Variants in RSPH14 observed in about 807,000 individuals in gnomAD.
RSPH14 encodes the protein radial spoke head 14 homolog.
A neutral mutation model predicts 26.7 loss-of-function variants in RSPH14; 20 were observed. The ratio of observed to expected loss-of-function variants is 0.75; its 90% CI spans 0.53 to 1.09. The LOEUF (loss-of-function observed/expected upper bound fraction) is 1.09, where lower values mean the gene tolerates loss of function less well. Ranked by LOEUF, RSPH14 falls within the 50% of genes least tolerant of loss-of-function variation. The probability of loss-of-function intolerance (pLI) is 0.00; values close to 1 mark genes in which losing one functional copy is unlikely to be tolerated. For missense variants in RSPH14, 449 were observed against 457.2 expected, an observed-to-expected ratio of 0.98 and a Z score of 0.16; for synonymous variants, 177 against 189.3, an observed-to-expected ratio of 0.93 and a Z score of 0.53.
At chr22:23,153,161 G>T in the RSPH14 span, 1 of 1,561,398 alleles carries the variant, frequency 6.4e-7, no homozygotes, top group African/African-American at 1.4e-5. Context: ...CCCATGGCTC[G>T]TGGGCAGCTT....
the RSPH14 span, among the ~76,000 whole-genome samples, chr22:23,176,849 C>A: frequency 6.6e-6 from 1 of 152,234 alleles, no homozygotes; most frequent in African/African-American, 2.4e-5. Flanking sequence ...CGGTTGAGTA[C>A]AGCAGCCACG....
chr22:23,107,618 C>T lies in RSPH14; in HGVS notation c.421+26408G>A, dbSNP rs28521199. ...GGGGTGTAGGGAGCAGAAGCTGGGG[C>T]GGGAGCAGGGGTCCCAAGCACAGTG... On this transcript the variant is annotated intron_variant, in intron 4 of 6. Coordinates refer to ENST00000216036, the MANE Select transcript of RSPH14 (RefSeq NM_014433.3). Among the ~76,000 whole-genome samples, 70 of 152,014 alleles carry T rather than the reference C, an allele frequency of 4.6e-4. 1 individual carries two copies. Among genetic ancestry groups the T allele is most frequent in the Admixed American group, 2.1e-3 (32 of 15,266 alleles).
At chr22:23,150,536 C>T in the RSPH14 span, among the ~76,000 whole-genome samples, 1 of 151,986 alleles carries the variant, frequency 6.6e-6, no homozygotes, top group South Asian at 2.1e-4. Context: ...CTCCTGACCT[C>T]GTGATCAGCC....
At chr22:23,177,243 T>C in the RSPH14 span, among the ~76,000 whole-genome samples, 1 of 152,148 alleles carries the variant, frequency 6.6e-6, no homozygotes, top group Admixed American at 6.5e-5. Flanking sequence ...TCACCTCCCC[T>C]GGCAAGCCTT....
chr22:23,180,592 A>AGCAG, the RSPH14 span: 2 of 182,142 alleles, frequency 1.1e-5, no homozygotes, highest in Admixed American at 6.5e-5. Context: ...CGGCGGCGGC[A>AGCAG]CGGCGGCGGC....
rs1365738112 is a variant in RSPH14 at position 23,118,467 on chromosome 22, T to TCCCCG, written c.421+15554_421+15558dup. Among the ~76,000 whole-genome samples, 280 of 150,894 alleles carry TCCCCG rather than the reference T, an allele frequency of 1.9e-3. 1 individual carries two copies. Among genetic ancestry groups the TCCCCG allele is most frequent in the African/African-American group, 6.5e-3 (267 of 41,334 alleles). Reference sequence around the variant, plus strand: ...TGGTGGTGTGTTTCTGCCTCCCTCTTCCCCGCCCCGCCCCACCCCCCGCGG... The same window carrying TCCCCG: ...TGGTGGTGTGTTTCTGCCTCCCTCTTCCCCGCCCCGCCCCGCCCCACCCCCCGCGG... On this transcript the variant is annotated intron_variant, in intron 4 of 6. Coordinates refer to ENST00000216036, the MANE Select transcript of RSPH14 (RefSeq NM_014433.3).
At chr22:23,147,644 T>C (rs890526008), upstream of RSPH14, among the ~76,000 whole-genome samples, 2 of 152,200 alleles carry the variant, frequency 1.3e-5, no homozygotes, top group African/African-American at 4.8e-5. Context: ...TGCTATTCTA[T>C]TTCTAGGAAT....
intron 4 of RSPH14, among the ~76,000 whole-genome samples, chr22:23,083,434 T>C (rs2146279614): frequency 6.6e-6 from 1 of 152,260 alleles, no homozygotes; most frequent in East Asian, 1.9e-4. Context: ...TTTTAGGTAA[T>C]GCTCTCAAAA....
At chr22:23,157,445 G>A in the RSPH14 span, among the ~76,000 whole-genome samples, 275 of 152,154 alleles carry the variant, frequency 1.8e-3, 3 homozygotes, top group African/African-American at 6.5e-3. Flanking sequence ...ATTTTTAGTA[G>A]AGACGGGGTT....
At position 23,123,489 on chromosome 22, in the gene RSPH14, A is replaced by G. The variant is rs576242011; in HGVS notation, c.421+10537T>C. 2.8e-5 allele frequency: 33 copies of G among 1,179,714 alleles called. 1 individual carries two copies. Among genetic ancestry groups the G allele is most frequent in the African/African-American group, 1.2e-4 (8 of 66,096 alleles). 73.1% of individuals were successfully genotyped at this position (1,179,714 alleles called of 1,614,324 possible). On this transcript the variant is annotated intron_variant, in intron 4 of 6. Transcript: ENST00000216036. ...GAAACCCACGGGGTGTCATGCCCCAACGCGTGCTAGAGAGGCCCAATCCAG... is the reference window on the plus strand; with the variant it reads ...GAAACCCACGGGGTGTCATGCCCCAGCGCGTGCTAGAGAGGCCCAATCCAG...
chr22:23,159,265 A>G, the RSPH14 span: 9 of 1,572,764 alleles, frequency 5.7e-6, no homozygotes, highest in East Asian at 2.1e-4. Flanking sequence ...TGAGTGGGCC[A>G]GGGCTGTCAC....
chr22:23,134,005 G>C (rs755410377), intron 4 of RSPH14, 21 bp downstream of exon 4: 3 of 1,576,588 alleles, frequency 1.9e-6, no homozygotes, highest in Admixed American at 3.3e-5. Context: ...CGACAGATCT[G>C]TGTGCAGGAC....
intron 4 of RSPH14, among the ~76,000 whole-genome samples, chr22:23,119,708 C>T (rs1235104904): frequency 6.6e-6 from 1 of 152,226 alleles, no homozygotes; most frequent in Non-Finnish European, 1.5e-5. Flanking sequence ...AGTGAGGCGG[C>T]AAGCTCAGGT....
intron 4 of RSPH14, among the ~76,000 whole-genome samples, chr22:23,094,233 C>G (rs559819524): frequency 3.9e-5 from 6 of 152,110 alleles, no homozygotes; most frequent in Non-Finnish European, 8.8e-5. Flanking sequence ...AAGAGGGGTG[C>G]GTGTGAGTTG....
Position 23,062,046 on chromosome 22 carries a change from G to GGGT in RSPH14, c.654-102_654-101insACC, listed in dbSNP as rs985243371. ...AGACACAAAAGAAATAATTGTGTGGGGGCTACCCCAGGTAGTCCCAGGACT... is the reference window on the plus strand; with the variant it reads ...AGACACAAAAGAAATAATTGTGTGGGGGTGGCTACCCCAGGTAGTCCCAGGACT... On this transcript the variant is annotated intron_variant, in intron 5 of 6. Transcript: ENST00000216036. The GGGT allele has an allele frequency of 2.1e-6, 3 of 1,423,734 alleles. No homozygotes were observed. The African/African-American group carries it at 4.2e-5, about 20-fold the overall frequency. 88.2% of individuals were successfully genotyped at this position (1,423,734 alleles called of 1,614,324 possible).
intron 4 of RSPH14, among the ~76,000 whole-genome samples, chr22:23,098,383 G>C (rs2146323866): frequency 6.6e-6 from 1 of 152,386 alleles, no homozygotes; most frequent in Non-Finnish European, 1.5e-5. Context: ...GCTCCTCGGG[G>C]CAGGCCCTAG....
chr22:23,088,853 C>T (rs974909061), intron 4 of RSPH14, among the ~76,000 whole-genome samples: 3 of 152,180 alleles, frequency 2.0e-5, no homozygotes, highest in Non-Finnish European at 4.4e-5. Flanking sequence ...TGCCTGCCAC[C>T]TCTTGGGGTC....
chr22:23,131,723 G>GT (rs1377448694), intron 4 of RSPH14: 10 of 956,024 alleles, frequency 1.0e-5, no homozygotes, highest in Non-Finnish European at 7.4e-6. Flanking sequence ...CCCAGCACTG[G>GT]TCCCCCATGG....
At chr22:23,061,716 G>A (rs1601723318) in intron 6 of RSPH14, 93 bp downstream of exon 6, 2 of 1,338,554 alleles carry the variant, frequency 1.5e-6, no homozygotes, top group East Asian at 4.8e-5. Flanking sequence ...TGTGGAGTTT[G>A]GGGGACGATA....
Sources: allele counts gnomAD v4.1 joint callset (sites outside exome capture counted in the v4.1 genomes callset), GRCh38; gene constraint gnomAD v4.1.1; transcripts MANE v1.5; gene names NCBI Gene and HGNC (gene_info 2026-07-23, HGNC 2026-07-21).